The following EPS15 variants were observed in gnomAD, a reference collection of about 807,000 sequenced individuals.
EPS15 encodes the protein epidermal growth factor receptor substrate 15.
Under a neutral mutation model 113.8 loss-of-function variants are expected in EPS15, and 72 were observed. The ratio of observed to expected loss-of-function variants is 0.63; its 90% CI spans 0.52 to 0.77. The LOEUF (loss-of-function observed/expected upper bound fraction) is 0.77. Among genes scored for constraint, EPS15 ranks in the 30% least tolerant of loss-of-function variants. EPS15 has a pLI of 0.00. For missense variants in EPS15, 1,048 were observed against 1,045.8 expected, an observed-to-expected ratio of 1.00 and a Z score of -0.03; for synonymous variants, 344 against 363.4, an observed-to-expected ratio of 0.95 and a Z score of 0.61.
rs1177398665 is a variant in EPS15 at position 51,485,870 on chromosome 1, C to G, written c.34-4556G>C. Among the ~76,000 whole-genome samples the G allele has an allele frequency of 2.0e-5, 3 of 152,064 alleles. No individual in the cohort carries two copies. In the South Asian group the frequency reaches 6.2e-4, roughly 32 times the overall value. On this transcript the variant is annotated intron_variant, in intron 1 of 24. Coordinates refer to ENST00000371733, the MANE Select transcript of EPS15 (RefSeq NM_001981.3). ...TGGAGTGCAATGGCACTATCTTGGCCCACTGCAACCTCTGCCTCCCAGGTT... is the reference window on the plus strand; with the variant it reads ...TGGAGTGCAATGGCACTATCTTGGCGCACTGCAACCTCTGCCTCCCAGGTT...
chr1:51,356,997 T>C, intron 24 of EPS15, 151 bp from the exon 25 acceptor site: 1 of 615,192 alleles, frequency 1.6e-6, no homozygotes. Flanking sequence ...CCTGAAAACA[T>C]GTTTAATATT....
In EPS15 at chr1:51,390,519, T is replaced by C. The variant is rs1647253850; in HGVS notation, c.2119+3862A>G. 6.6e-5 allele frequency among the ~76,000 whole-genome samples: 10 copies of C among 151,322 alleles called. No homozygotes were observed. The South Asian group carries it at 2.1e-3, about 32-fold the overall frequency. ...ACAGCAAAAGAAACTACCATCAGAG[T>C]GAACAGGCAACCTACAAAATGGGAG... On this transcript the variant is annotated intron_variant, in intron 21 of 24. Transcript: ENST00000371733.
chr1:51,429,396 A>G (rs755243912), intron 12 of EPS15, among the ~76,000 whole-genome samples: 4 of 152,130 alleles, frequency 2.6e-5, no homozygotes, highest in Non-Finnish European at 5.9e-5. Flanking sequence ...TAAGTGTACA[A>G]TTAATGACAC....
At chr1:51,502,759 C>A (rs1205931249) in intron 1 of EPS15, among the ~76,000 whole-genome samples, 1 of 152,086 alleles carries the variant, frequency 6.6e-6, no homozygotes, top group African/African-American at 2.4e-5. Context: ...AATCACAGCA[C>A]TTTGGGAGGC....
At chr1:51,493,425 T>C (rs1644272699) in intron 1 of EPS15, among the ~76,000 whole-genome samples, 1 of 150,342 alleles carries the variant, frequency 6.7e-6, no homozygotes, top group Admixed American at 6.6e-5. Flanking sequence ...CTCTGGAGGC[T>C]GAGGCAGGAG....
intron 2 of EPS15, among the ~76,000 whole-genome samples, chr1:51,478,145 G>C (rs1371324123): frequency 6.6e-6 from 1 of 152,140 alleles, no homozygotes; most frequent in African/African-American, 2.4e-5. Context: ...CTCCTGTATT[G>C]GGTGTATATA....
chr1:51,377,932 G>C (rs557197711), intron 21 of EPS15, among the ~76,000 whole-genome samples: 8 of 124,272 alleles, frequency 6.4e-5, no homozygotes, highest in African/African-American at 2.5e-4. Context: ...TTTCACTCTT[G>C]TTGCCCAGGC....
At chr1:51,517,973 C>T (rs767871359) in intron 1 of EPS15, among the ~76,000 whole-genome samples, 20 of 152,164 alleles carry the variant, frequency 1.3e-4, no homozygotes, top group Admixed American at 1.1e-3. Context: ...TTTGCCCTAT[C>T]CCAGCGCTAA....
At chr1:51,446,453 C>CTTTT (rs370161989) in intron 10 of EPS15, among the ~76,000 whole-genome samples, 1 of 132,252 alleles carries the variant, frequency 7.6e-6, no homozygotes, top group African/African-American at 2.8e-5. Flanking sequence ...CACTGTCATT[C>CTTTT]TTTTTTTTTT....
intron 21 of EPS15, among the ~76,000 whole-genome samples, chr1:51,381,347 C>T (rs1035121413): frequency 6.6e-6 from 1 of 152,212 alleles, no homozygotes; most frequent in African/African-American, 2.4e-5. Flanking sequence ...AATCCCAACA[C>T]TTTGGGAGGC....
chr1:51,357,426 A>ATATATATATATTTT (rs1443627608), intron 24 of EPS15, among the ~76,000 whole-genome samples: 2 of 53,540 alleles, frequency 3.7e-5, no homozygotes, highest in African/African-American at 1.9e-4. Flanking sequence ...ATATATATAT[A>ATATATATATATTTT]TTTTTTTTTT....
intron 1 of EPS15, among the ~76,000 whole-genome samples, chr1:51,486,335 G>T (rs1270596973): frequency 6.7e-6 from 1 of 149,760 alleles, no homozygotes; most frequent in Non-Finnish European, 1.5e-5. Flanking sequence ...TGAGGCAGCA[G>T]AATTGCTTTA....
intron 1 of EPS15, among the ~76,000 whole-genome samples, chr1:51,500,704 G>T (rs1644396432): frequency 6.6e-6 from 1 of 152,126 alleles, no homozygotes. Flanking sequence ...AAATCTGTAG[G>T]TCGGGTGCAG....
At chr1:51,396,845 C>G (rs1647999614) in intron 20 of EPS15, among the ~76,000 whole-genome samples, 1 of 151,530 alleles carries the variant, frequency 6.6e-6, no homozygotes, top group Non-Finnish European at 1.5e-5. Context: ...GAGTCAAGTT[C>G]TACCAGTTAC....
intron 12 of EPS15, among the ~76,000 whole-genome samples, chr1:51,425,349 C>A (rs1651110246): frequency 6.6e-6 from 1 of 152,174 alleles, no homozygotes; most frequent in South Asian, 2.1e-4. Flanking sequence ...TTCCTAGACT[C>A]TATGTACAGG....
intron 12 of EPS15, among the ~76,000 whole-genome samples, chr1:51,436,160 G>C (rs1407540998): frequency 6.6e-6 from 1 of 152,174 alleles, no homozygotes; most frequent in Non-Finnish European, 1.5e-5. Flanking sequence ...TGTGAGAGGT[G>C]GCTAAGACAG....
chr1:51,405,784 A>T (rs1649059157), intron 16 of EPS15, 121 bp downstream of exon 16: 1 of 765,096 alleles, frequency 1.3e-6, no homozygotes, highest in Non-Finnish European at 2.2e-6. Context: ...GCTTCTAAAA[A>T]GGAAATCTCA....
At chr1:51,394,761 T>A (rs747509113) in intron 20 of EPS15, among the ~76,000 whole-genome samples, 27 of 152,218 alleles carry the variant, frequency 1.8e-4, no homozygotes, top group Non-Finnish European at 3.4e-4. Context: ...TCAGAAGTCT[T>A]CATGTGTCCC....
intron 12 of EPS15, among the ~76,000 whole-genome samples, chr1:51,426,860 CACAT>C (rs371554832): frequency 0.032 from 4,672 of 148,206 alleles, 249 homozygotes; most frequent in African/African-American, 0.11. Context: ...TATACACACA[CACAT>C]ATATATATAC....
Sources: gnomAD v4.1 joint callset for allele counts (sites outside exome capture counted in the v4.1 genomes callset) on GRCh38, gnomAD v4.1.1 for gene constraint, MANE v1.5 for transcripts, NCBI Gene and HGNC (gene_info 2026-07-23, HGNC 2026-07-21) for gene names.